Variants in KCNJ16 observed in about 807,000 individuals in gnomAD.
KCNJ16 encodes the protein potassium inwardly rectifying channel subfamily J member 16, also known as inward rectifier potassium channel 16.
KCNJ16 carries 15 observed loss-of-function variants against 18.5 expected under a neutral mutation model. The ratio of observed to expected loss-of-function variants is 0.81; its 90% CI spans 0.54 to 1.25. The LOEUF (loss-of-function observed/expected upper bound fraction) is 1.25, where lower values mean the gene tolerates loss of function less well. Among genes scored for constraint, KCNJ16 ranks in the 50% most tolerant of loss-of-function variants. The probability of loss-of-function intolerance (pLI) is 0.00; values close to 1 mark genes in which losing one functional copy is unlikely to be tolerated. For missense variants in KCNJ16, 523 were observed against 525.7 expected (o/e 0.99, Z 0.05); for synonymous variants, 174 against 186.5 (o/e 0.93, Z 0.55).
intron 2 of KCNJ16, among the ~76,000 whole-genome samples, chr17:70,129,022 T>G (rs2073964877): frequency 6.6e-6 from 1 of 152,226 alleles, no homozygotes; most frequent in Non-Finnish European, 1.5e-5. Context: ...TCTTCCTGCT[T>G]CTGCTATCTT....
chr17:70,125,132 G>A (rs1307137336), intron 2 of KCNJ16, among the ~76,000 whole-genome samples: 1 of 152,012 alleles, frequency 6.6e-6, no homozygotes, highest in East Asian at 1.9e-4. Context: ...CAGCCATAGT[G>A]GCACACATCT....
chr17:70,106,141 G>T (rs192842221), intron 2 of KCNJ16, among the ~76,000 whole-genome samples: 3 of 152,200 alleles, frequency 2.0e-5, no homozygotes, highest in Admixed American at 6.5e-5. Flanking sequence ...GTCAATGCAA[G>T]GAGTAAAGGC....
At position 70,113,618 on chromosome 17, in the gene KCNJ16, A is replaced by C. The variant is rs1472774030; in HGVS notation, c.-191+12852A>C. On this transcript the variant is annotated intron_variant, in intron 2 of 3. Coordinates refer to ENST00000392671, the MANE Select transcript of KCNJ16 (RefSeq NM_170741.4). ...AAGTGCTCCCATCTTCCCCAAACTC[A>C]GTTCTTAGTTGCCCATCAACATGAA... 3.3e-5 allele frequency among the ~76,000 whole-genome samples: 5 copies of C among 152,298 alleles called. No individual in the cohort carries two copies. In the South Asian group the frequency reaches 1.0e-3, roughly 32 times the overall value.
At chr17:70,113,014 T>C (rs551011834) in intron 2 of KCNJ16, among the ~76,000 whole-genome samples, 15 of 152,310 alleles carry the variant, frequency 9.8e-5, no homozygotes, top group African/African-American at 2.9e-4. Context: ...AATGTTTTCC[T>C]TGGTTACATC....
chr17:70,081,718 G>C (rs2071560147), intron 1 of KCNJ16, among the ~76,000 whole-genome samples: 1 of 152,132 alleles, frequency 6.6e-6, no homozygotes, highest in East Asian at 1.9e-4. Flanking sequence ...CAGAAGCACA[G>C]GGGTATAGAG....
At chr17:70,097,138 A>G (rs1197960138) in intron 1 of KCNJ16, among the ~76,000 whole-genome samples, 3 of 152,138 alleles carry the variant, frequency 2.0e-5, no homozygotes, top group African/African-American at 7.2e-5. Context: ...ACAGATACAG[A>G]GTTAGCCGTT....
At chr17:70,104,939 T>C (rs936497038) in intron 2 of KCNJ16, 9 of 151,994 alleles carry the variant, frequency 5.9e-5, no homozygotes, top group Non-Finnish European at 8.8e-5. Context: ...CTCATCTCCA[T>C]GGCGGTAGGT....
chr17:70,089,265 A>C (rs2071975890), intron 1 of KCNJ16, among the ~76,000 whole-genome samples: 1 of 151,512 alleles, frequency 6.6e-6, no homozygotes, highest in Non-Finnish European at 1.5e-5. Context: ...CATTTATTTC[A>C]CTCTTTTTCT....
At chr17:70,107,113 A>G (rs1349983029) in intron 2 of KCNJ16, among the ~76,000 whole-genome samples, 1 of 152,184 alleles carries the variant, frequency 6.6e-6, no homozygotes, top group African/African-American at 2.4e-5. Flanking sequence ...TTACAATGCT[A>G]TCTGGTTAAA....
At chr17:70,107,676 T>A (rs898629920) in intron 2 of KCNJ16, among the ~76,000 whole-genome samples, 1 of 148,026 alleles carries the variant, frequency 6.8e-6, no homozygotes, top group African/African-American at 2.6e-5. Flanking sequence ...CAAATATGGC[T>A]CACAATTTTT....
chr17:70,087,678 G>A (rs992538641), intron 1 of KCNJ16, among the ~76,000 whole-genome samples: 61 of 152,068 alleles, frequency 4.0e-4, no homozygotes, highest in African/African-American at 1.3e-3. Flanking sequence ...CTGCACTCCA[G>A]CCTGGATGAC....
chr17:70,089,031 G>A (rs1328065545), intron 1 of KCNJ16, among the ~76,000 whole-genome samples: 1 of 152,178 alleles, frequency 6.6e-6, no homozygotes, highest in East Asian at 1.9e-4. Context: ...CAGAACGTGT[G>A]AAAGTTTTCT....
intron 2 of KCNJ16, among the ~76,000 whole-genome samples, chr17:70,111,848 C>T: frequency 6.6e-6 from 1 of 152,140 alleles, no homozygotes; most frequent in East Asian, 1.9e-4. Context: ...TAGCCTTCCA[C>T]CATGATTATG....
At position 70,130,884 on chromosome 17, in the gene KCNJ16, ACT is replaced by A; in HGVS notation, c.-183_-182del. On this transcript the variant is annotated 5_prime_UTR_variant, in exon 3 of 4. Transcript: ENST00000392671. The stretch of plus-strand genomic sequence containing the variant: ...TTTTTGTTTGTTTTGCACAGGAGTA[ACT>A]CAAGATGATTTTGATGTTGCAGTTT... 2 of 1,271,016 alleles carry A rather than the reference ACT, an allele frequency of 1.6e-6. No homozygotes were observed. The highest frequency in any genetic ancestry group is 2.2e-6 in the Non-Finnish European group (2 of 905,300). The allele number at this position is 1,271,016 out of a possible 1,614,324, so 78.7% of individuals were successfully genotyped here.
Position 70,132,932 on chromosome 17 carries a change from T to C in KCNJ16, c.845T>C (p.Phe282Ser). ...GATAACTTTGAGATTTTGGTGACAT[T>C]TATCTATACTGGTGATTCCACTGGA... ...AKDNFEILVTFIYTGDSTGTS... is the reference protein window; with the variant it reads ...AKDNFEILVTSIYTGDSTGTS... Residue 282 changes from phenylalanine to serine, a missense_variant, in exon 4 of 4, where the codon TTT (phenylalanine) becomes TCT (serine). By Grantham distance (155) the Phe-to-Ser change is radical. Transcript: ENST00000392671. The C allele has an allele frequency of 4.3e-6, 7 of 1,614,206 alleles. No individual in the cohort carries two copies. The highest frequency in any genetic ancestry group is 5.9e-6 in the Non-Finnish European group (7 of 1,180,018).
chr17:70,099,168 C>T (rs1304331224), intron 1 of KCNJ16, among the ~76,000 whole-genome samples: 2 of 152,138 alleles, frequency 1.3e-5, no homozygotes, highest in Non-Finnish European at 2.9e-5. Flanking sequence ...GCCAGTTGTA[C>T]TTCTGACCCA....
intron 2 of KCNJ16, among the ~76,000 whole-genome samples, chr17:70,129,017 C>T (rs1555597789): frequency 1.3e-5 from 2 of 152,238 alleles, no homozygotes; most frequent in Non-Finnish European, 2.9e-5. Context: ...AGCCCTCTTC[C>T]TGCTTCTGCT....
chr17:70,116,880 T>C (rs757862574), intron 2 of KCNJ16, among the ~76,000 whole-genome samples: 4 of 152,210 alleles, frequency 2.6e-5, no homozygotes, highest in Non-Finnish European at 5.9e-5. Context: ...TCAGCCACCG[T>C]GGAAAGCAGT....
Position 70,133,407 on chromosome 17 carries a change from T to G in KCNJ16, c.*63T>G. Reference sequence around the variant, plus strand: ...TTTATCTTTCAGCCAATCAAGTCGTTGTAAACGTGGCTTTTTTGAAAGTGT... The same window carrying G: ...TTTATCTTTCAGCCAATCAAGTCGTGGTAAACGTGGCTTTTTTGAAAGTGT... On this transcript the variant is annotated 3_prime_UTR_variant, in exon 4 of 4. Coordinates refer to ENST00000392671, the MANE Select transcript of KCNJ16 (RefSeq NM_170741.4). The G allele has an allele frequency of 1.4e-6, 2 of 1,449,992 alleles. No individual in the cohort carries two copies. The highest frequency in any genetic ancestry group is 1.9e-6 in the Non-Finnish European group (2 of 1,064,448). 89.8% of individuals were successfully genotyped at this position (1,449,992 alleles called of 1,614,324 possible).
Sources: gnomAD v4.1 joint callset for allele counts (sites outside exome capture counted in the v4.1 genomes callset) on GRCh38, gnomAD v4.1.1 for gene constraint, MANE v1.5 for transcripts, NCBI Gene and HGNC (gene_info 2026-07-23, HGNC 2026-07-21) for gene names.